Variants in PARM1 observed in about 807,000 individuals in gnomAD.
PARM1 encodes the protein prostate androgen-regulated mucin-like protein 1.
Under a neutral mutation model 24.6 loss-of-function variants are expected in PARM1, and 14 were observed. That is an observed-to-expected ratio of 0.57 (90% CI 0.38 to 0.89). PARM1 has a LOEUF of 0.89. Ranked by LOEUF, PARM1 falls within the 40% of genes least tolerant of loss-of-function variation. The pLI is 0.00. For missense variants in PARM1, 362 were observed against 380.4 expected (o/e 0.95, Z 0.40); for synonymous variants, 179 against 156.6 (o/e 1.14, Z -1.07).
chr4:74,990,961 C>A (rs188801536), intron 1 of PARM1, among the ~76,000 whole-genome samples: 1 of 152,108 alleles, frequency 6.6e-6, no homozygotes, highest in Admixed American at 6.6e-5. Flanking sequence ...AAGAGAAAGA[C>A]CAAAAGGATG....
intron 1 of PARM1, among the ~76,000 whole-genome samples, chr4:74,998,464 T>C (rs1722616829): frequency 6.6e-6 from 1 of 152,226 alleles, no homozygotes; most frequent in South Asian, 2.1e-4. Context: ...GGATTCACCA[T>C]GGAGTTTCTT....
intron 1 of PARM1, among the ~76,000 whole-genome samples, chr4:74,985,090 G>A (rs953972649): frequency 2.0e-5 from 3 of 152,146 alleles, no homozygotes; most frequent in Non-Finnish European, 4.4e-5. Flanking sequence ...TTTACAGCAC[G>A]GAAAGCAGCA....
At chr4:75,031,207 T>A (rs563216080) in intron 2 of PARM1, among the ~76,000 whole-genome samples, 1 of 152,234 alleles carries the variant, frequency 6.6e-6, no homozygotes, top group Admixed American at 6.5e-5. Flanking sequence ...TTCCCATGGC[T>A]GGCATCCACT....
Position 75,013,001 on chromosome 4 carries a change from C to T in PARM1, c.620C>T (p.Thr207Ile), listed in dbSNP as rs754618471. Residue 207 changes from threonine to isoleucine, a missense_variant, in exon 2 of 4, where the codon ACT becomes ATT. By Grantham distance (89) the Thr-to-Ile change is moderately conservative (BLOSUM62 -1). Coordinates refer to ENST00000307428, the MANE Select transcript of PARM1 (RefSeq NM_015393.4). ...GAGTCCAGCTCTGACCACACACCCA[C>T]TTCACATGCCACAGCTGAGCCAGTA... ...TEESSSDHTP[T>I]SHATAEPVPQ... The T allele has an allele frequency of 2.6e-5, 42 of 1,614,040 alleles. No individual in the cohort carries two copies. The highest frequency in any genetic ancestry group is 3.5e-5 in the Non-Finnish European group (41 of 1,179,894).
chr4:74,988,004 G>A (rs1329352885), intron 1 of PARM1, among the ~76,000 whole-genome samples: 1 of 152,220 alleles, frequency 6.6e-6, no homozygotes, highest in African/African-American at 2.4e-5. Flanking sequence ...AATGAGTTCA[G>A]GAGGAATGAA....
Position 75,012,997 on chromosome 4 carries a change from C to T in PARM1, c.616C>T (p.Pro206Ser). 1 of 1,613,978 alleles carries T rather than the reference C, an allele frequency of 6.2e-7. No individual in the cohort carries two copies. The highest frequency in any genetic ancestry group is 1.1e-5 in the South Asian group (1 of 91,070). The change falls in exon 2 of 4, where the codon CCC (proline) becomes TCC (serine). Residue 206 changes from proline (P) to serine (S), a missense_variant. Transcript: ENST00000307428. ...PTEESSSDHT[P>S]TSHATAEPVP... Reference sequence around the variant, plus strand: ...AGAGGAGTCCAGCTCTGACCACACACCCACTTCACATGCCACAGCTGAGCC... The same window carrying T: ...AGAGGAGTCCAGCTCTGACCACACATCCACTTCACATGCCACAGCTGAGCC...
intron 1 of PARM1, among the ~76,000 whole-genome samples, chr4:75,008,963 A>G (rs1722820972): frequency 6.6e-6 from 1 of 151,824 alleles, no homozygotes; most frequent in African/African-American, 2.4e-5. Flanking sequence ...ATCAGCCATG[A>G]CAGCTGCCAG....
chr4:75,043,598 A>G (rs911042998), intron 3 of PARM1, among the ~76,000 whole-genome samples: 36 of 152,216 alleles, frequency 2.4e-4, no homozygotes, highest in African/African-American at 7.7e-4. Context: ...ATAAAGGAGC[A>G]TGTTTATTGA....
chr4:74,933,260 A>G lies in PARM1; in HGVS notation c.-68A>G. On this transcript the variant is annotated 5_prime_UTR_variant, in exon 1 of 4. Transcript: ENST00000307428. ...GGCAGAGGAGTCGCTACCAGCGCCCAGTGCGCTCTGTCAGTCCGCAAACTC... is the reference window on the plus strand; with the variant it reads ...GGCAGAGGAGTCGCTACCAGCGCCCGGTGCGCTCTGTCAGTCCGCAAACTC... 7.2e-7 allele frequency: 1 copy of G among 1,392,614 alleles called. No individual in the cohort carries two copies. Among genetic ancestry groups the G allele is most frequent in the African/African-American group, 1.4e-5 (1 of 70,246 alleles). The allele number at this position is 1,392,614 out of a possible 1,614,324, so 86.3% of individuals were successfully genotyped here.
chr4:74,934,140 G>C (rs115420824), intron 1 of PARM1, among the ~76,000 whole-genome samples: 4 of 152,274 alleles, frequency 2.6e-5, no homozygotes, highest in Non-Finnish European at 5.9e-5. Context: ...CAGCGGGGAT[G>C]GGGAAGAGGG....
At chr4:75,045,205 GT>G (rs1718089686) in intron 3 of PARM1, among the ~76,000 whole-genome samples, 1 of 152,230 alleles carries the variant, frequency 6.6e-6, no homozygotes, top group African/African-American at 2.4e-5. Flanking sequence ...GCAAAGGTGT[GT>G]CAGGCATGAG....
chr4:74,946,499 T>G (rs141838328), intron 1 of PARM1, among the ~76,000 whole-genome samples: 1 of 152,316 alleles, frequency 6.6e-6, no homozygotes, highest in East Asian at 1.9e-4. Context: ...GATAATCTTA[T>G]AGGTGCTGAG....
intron 1 of PARM1, among the ~76,000 whole-genome samples, chr4:74,962,914 T>C (rs760272740): frequency 4.6e-5 from 7 of 152,210 alleles, no homozygotes; most frequent in Non-Finnish European, 1.0e-4. Flanking sequence ...ACATCTTAAA[T>C]TGTAATCCCC....
intron 2 of PARM1, among the ~76,000 whole-genome samples, chr4:75,025,177 A>G (rs140896157): frequency 3.3e-4 from 51 of 152,262 alleles, no homozygotes; most frequent in African/African-American, 1.2e-3. Flanking sequence ...TCACCCCTCT[A>G]AGCTTCATTC....
chr4:75,026,176 AT>A, intron 2 of PARM1, among the ~76,000 whole-genome samples: 1 of 152,352 alleles, frequency 6.6e-6, no homozygotes, highest in African/African-American at 2.4e-5. Context: ...ATAACTACTA[AT>A]AAAGTTCAGG....
At chr4:75,014,923 C>A (rs1722952346) in intron 2 of PARM1, among the ~76,000 whole-genome samples, 1 of 152,206 alleles carries the variant, frequency 6.6e-6, no homozygotes. Flanking sequence ...GACATTGGTT[C>A]CTGGAGCAGA....
chr4:74,972,225 C>T (rs374706204), intron 1 of PARM1, among the ~76,000 whole-genome samples: 39 of 152,310 alleles, frequency 2.6e-4, no homozygotes, highest in African/African-American at 8.9e-4. Flanking sequence ...TCTGGGATTG[C>T]CTGAGCATCT....
intron 2 of PARM1, among the ~76,000 whole-genome samples, chr4:75,031,753 T>G (rs1037509903): frequency 2.0e-5 from 3 of 152,232 alleles, no homozygotes; most frequent in African/African-American, 7.2e-5. Flanking sequence ...ATTCATTCTT[T>G]TCTTCCATTT....
At chr4:75,019,576 T>A (rs892312667) in intron 2 of PARM1, among the ~76,000 whole-genome samples, 1 of 152,224 alleles carries the variant, frequency 6.6e-6, no homozygotes, top group Admixed American at 6.5e-5. Flanking sequence ...GGGCACTAAG[T>A]AGGCACAGAC....
Sources: gnomAD v4.1 joint callset for allele counts (sites outside exome capture counted in the v4.1 genomes callset) on GRCh38, gnomAD v4.1.1 for gene constraint, MANE v1.5 for transcripts, NCBI Gene and HGNC (gene_info 2026-07-23, HGNC 2026-07-21) for gene names.